Variants in IL20RA observed in about 807,000 individuals in gnomAD.
IL20RA encodes the protein interleukin 20 receptor subunit alpha.
Under a neutral mutation model 36.5 loss-of-function variants are expected in IL20RA, and 29 were observed. The ratio of observed to expected loss-of-function variants is 0.79; its 90% CI spans 0.59 to 1.08. IL20RA has a LOEUF of 1.08. Among genes scored for constraint, IL20RA ranks in the 50% least tolerant of loss-of-function variants. IL20RA has a pLI of 0.00. For synonymous variants in IL20RA, 279 were observed against 267.1 expected, an observed-to-expected ratio of 1.04 and a Z score of -0.43; for missense variants, 652 against 668.4, an observed-to-expected ratio of 0.98 and a Z score of 0.27.
chr6:137,029,216 A>C (rs1281951773), intron 1 of IL20RA, among the ~76,000 whole-genome samples: 1 of 152,206 alleles, frequency 6.6e-6, no homozygotes, highest in Non-Finnish European at 1.5e-5. Context: ...TTTAGAAAAT[A>C]AACTTTTTGG....
intron 1 of IL20RA, among the ~76,000 whole-genome samples, chr6:137,019,855 C>T (rs1775835971): frequency 2.0e-5 from 3 of 152,184 alleles, no homozygotes; most frequent in Admixed American, 6.5e-5. Flanking sequence ...ATGCTGTGAA[C>T]TATGTATGCC....
intron 3 of IL20RA, among the ~76,000 whole-genome samples, chr6:137,010,042 C>A (rs1008986755): frequency 6.6e-6 from 1 of 152,202 alleles, no homozygotes; most frequent in Admixed American, 6.5e-5. Flanking sequence ...ACAGCAAACT[C>A]AAGTATTCTG....
rs533407917 is a variant in IL20RA, at chr6:137,039,281, G to A, written c.88+5360C>T. Reference sequence around the variant, plus strand: ...GCAGGAGGAGTGCACATTGTGAGGAGTGAGGCTGGAGATACCTGTAGCCAT... The same window carrying A: ...GCAGGAGGAGTGCACATTGTGAGGAATGAGGCTGGAGATACCTGTAGCCAT... On this transcript the variant is annotated intron_variant, in intron 1 of 6. Coordinates refer to ENST00000316649, the MANE Select transcript of IL20RA (RefSeq NM_014432.4). 1.0e-3 allele frequency among the ~76,000 whole-genome samples: 152 copies of A among 152,304 alleles called. 1 individual carries two copies. The highest frequency in any genetic ancestry group is 1.5e-3 in the Non-Finnish European group (100 of 68,024).
At chr6:137,017,295 A>G (rs925454108) in intron 1 of IL20RA, among the ~76,000 whole-genome samples, 192 bp from the exon 2 acceptor site, 5 of 152,218 alleles carry the variant, frequency 3.3e-5, no homozygotes, top group Non-Finnish European at 7.3e-5. Flanking sequence ...TTGCTTTTCA[A>G]AAAAATTCCC....
rs374888142 is a variant in IL20RA at position 137,005,464 on chromosome 6, T to C, written c.725-704A>G. Among the ~76,000 whole-genome samples, 45 of 152,308 alleles carry C rather than the reference T, an allele frequency of 3.0e-4. 2 individuals carry two copies. The highest frequency in any genetic ancestry group is 1.4e-3 in the Admixed American group (21 of 15,286). ...GAAATCGTTTTAATAAAAGCAGCCCTGGCCCACACCATTAATCAGGCCATA... is the reference window on the plus strand; with the variant it reads ...GAAATCGTTTTAATAAAAGCAGCCCCGGCCCACACCATTAATCAGGCCATA... On this transcript the variant is annotated intron_variant, in intron 5 of 6. Transcript: ENST00000316649.
chr6:137,016,974 T>C lies in IL20RA; in HGVS notation c.218A>G (p.Tyr73Cys). 1 of 1,613,324 alleles carries C rather than the reference T, an allele frequency of 6.2e-7. No homozygotes were observed. Among genetic ancestry groups the C allele is most frequent in the Non-Finnish European group, 8.5e-7 (1 of 1,179,476 alleles). ...QGVKVTYTVQ[Y>C]FIYGQKKWLN... is the part of the protein sequence containing the mutation. The stretch of plus-strand genomic sequence containing the variant: ...AGGAAAAGAAGAAACTTACATGAAA[T>C]ACTGCACAGTGTAAGTAACTTTAAC... The change falls in exon 2 of 7, where the codon TAT (tyrosine) becomes TGT (cysteine). Residue 73 changes from tyrosine to cysteine, a missense_variant. Physicochemically the swap from Tyr to Cys is radical, Grantham distance 194 (BLOSUM62 -2). Transcript: ENST00000316649.
intron 1 of IL20RA, among the ~76,000 whole-genome samples, chr6:137,018,204 T>G (rs978192800): frequency 5.9e-5 from 9 of 152,218 alleles, no homozygotes; most frequent in African/African-American, 1.9e-4. Context: ...TTGAGTAAAG[T>G]AGCTGGGACT....
chr6:137,025,185 A>G (rs1484244475), intron 1 of IL20RA, among the ~76,000 whole-genome samples: 2 of 152,174 alleles, frequency 1.3e-5, no homozygotes, highest in Non-Finnish European at 2.9e-5. Flanking sequence ...CCATCAAAAC[A>G]TTCACAGGTT....
chr6:137,005,011 G>A (rs1555499), intron 5 of IL20RA, among the ~76,000 whole-genome samples: 147,378 of 152,320 alleles, frequency 0.97, 71,443 homozygotes, highest in East Asian at 1. Context: ...TTACACTAAG[G>A]ATACATCAAT....
intron 2 of IL20RA, among the ~76,000 whole-genome samples, chr6:137,014,301 A>G (rs1775596197): frequency 6.6e-6 from 1 of 152,224 alleles, no homozygotes; most frequent in African/African-American, 2.4e-5. Flanking sequence ...CAGAAAGTAT[A>G]ATCAAAAGAG....
At chr6:137,028,669 T>A (rs1390533781) in intron 1 of IL20RA, among the ~76,000 whole-genome samples, 1 of 152,192 alleles carries the variant, frequency 6.6e-6, no homozygotes, top group Non-Finnish European at 1.5e-5. Context: ...CAAGTAAGAC[T>A]TTAACATACA....
At chr6:137,041,768 T>A (rs1776701895) in intron 1 of IL20RA, among the ~76,000 whole-genome samples, 1 of 152,022 alleles carries the variant, frequency 6.6e-6, no homozygotes, top group Non-Finnish European at 1.5e-5. Context: ...TAAGCTATAC[T>A]TTTTTCCTCT....
chr6:137,043,641 T>A (rs1162666794), intron 1 of IL20RA, among the ~76,000 whole-genome samples: 1 of 152,346 alleles, frequency 6.6e-6, no homozygotes, highest in Non-Finnish European at 1.5e-5. Flanking sequence ...TGAATTTAAC[T>A]TTTTCTTTAA....
chr6:137,007,377 G>C (rs79595539), intron 5 of IL20RA, among the ~76,000 whole-genome samples: 12 of 152,208 alleles, frequency 7.9e-5, no homozygotes, highest in Middle Eastern at 3.4e-3. Context: ...CAGTTTCATC[G>C]TGAAAGGTGG....
rs1269053164 is a variant in IL20RA, at chr6:137,001,982, C to G, written c.1238G>C (p.Gly413Ala). 3 of 1,614,152 alleles carry G rather than the reference C, an allele frequency of 1.9e-6. No homozygotes were observed. Among genetic ancestry groups the G allele is most frequent in the Non-Finnish European group, 2.5e-6 (3 of 1,180,040 alleles). ...YDVRTTDICAGPEEQELSLQE... is the reference protein window; with the variant it reads ...YDVRTTDICAAPEEQELSLQE... The stretch of plus-strand genomic sequence containing the variant: ...CAAACTGAGCTCCTGCTCTTCAGGC[C>G]CCGCACAAATGTCAGTGGTTCTGAC... Residue 413 changes from glycine (G) to alanine (A), a missense_variant, in exon 7 of 7, where the codon GGG becomes GCG. By Grantham distance (60) the Gly-to-Ala change is moderately conservative. Coordinates refer to ENST00000316649, the MANE Select transcript of IL20RA (RefSeq NM_014432.4).
In IL20RA at chr6:137,011,225, T is replaced by G. The variant is rs748120995; in HGVS notation, c.403+49A>C. ...TCTGTGAGGCTGAGACTGTTAAACCTGATATGAATACATGTTTAACTGACC... is the reference window on the plus strand; with the variant it reads ...TCTGTGAGGCTGAGACTGTTAAACCGGATATGAATACATGTTTAACTGACC... On this transcript the variant is annotated intron_variant, in intron 3 of 6. Transcript: ENST00000316649. 5 of 1,461,122 alleles carry G rather than the reference T, an allele frequency of 3.4e-6. No homozygotes were observed. In the South Asian group the frequency reaches 6.3e-5, roughly 18 times the overall value. The allele number at this position is 1,461,122 out of a possible 1,614,324, so 90.5% of individuals were successfully genotyped here.
chr6:137,039,147 G>T (rs1362837555), intron 1 of IL20RA, among the ~76,000 whole-genome samples: 1 of 152,188 alleles, frequency 6.6e-6, no homozygotes, highest in Non-Finnish European at 1.5e-5. Context: ...CTACTATGTC[G>T]TTCCTATTCC....
In IL20RA at chr6:137,027,546, C is replaced by G. The variant is rs141070705; in HGVS notation, c.89-10443G>C. On this transcript the variant is annotated intron_variant, in intron 1 of 6. Transcript: ENST00000316649. ...CATGCTCTACGTCTTACCAGCTATG[C>G]GCCCTCAAGCCAGTTACTTAACCTC... is the stretch of plus-strand genomic sequence containing the variant. Among the ~76,000 whole-genome samples the G allele has an allele frequency of 2.6e-3, 394 of 152,322 alleles. 3 individuals are homozygous for G. The highest frequency in any genetic ancestry group is 4.0e-3 in the Non-Finnish European group (274 of 68,024).
rs2115437415 is a variant in IL20RA, at chr6:137,044,660, C to T, written c.69G>A (p.Ala23=). 1 of 1,224,116 alleles carries T rather than the reference C, an allele frequency of 8.2e-7. No individual in the cohort carries two copies. The highest frequency in any genetic ancestry group is 1.0e-6 in the Non-Finnish European group (1 of 982,806). The allele number at this position is 1,224,116 out of a possible 1,614,324, so 75.8% of individuals were successfully genotyped here. Residue 23 remains alanine, a synonymous_variant, in exon 1 of 7, where the codon GCG becomes GCA. Transcript: ENST00000316649. The part of the protein sequence containing the change: ...PLPPLLLLLL[A]APWGRAVPCV... Reference sequence around the variant, plus strand: ...ACCTACCTGCCCGTCCCCAAGGCGCCGCCAGGAGCAACAGCAGCAGCGGCG... The same window carrying T: ...ACCTACCTGCCCGTCCCCAAGGCGCTGCCAGGAGCAACAGCAGCAGCGGCG...
Sources: gnomAD v4.1 joint callset for allele counts (sites outside exome capture counted in the v4.1 genomes callset) on GRCh38, gnomAD v4.1.1 for gene constraint, MANE v1.5 for transcripts, NCBI Gene and HGNC (gene_info 2026-07-23, HGNC 2026-07-21) for gene names.